Variants in OSGIN2 observed in about 807,000 individuals in gnomAD.
The protein encoded by OSGIN2 is oxidative stress-induced growth inhibitor 2.
OSGIN2 carries 19 observed loss-of-function variants against 53.8 expected under a neutral mutation model. The observed-to-expected ratio is 0.35, with a 90% CI of 0.25 to 0.52. The LOEUF is 0.52. Among genes scored for constraint, OSGIN2 ranks in the 20% least tolerant of loss-of-function variants. The pLI is 0.95. For synonymous variants in OSGIN2, 236 were observed against 236.0 expected (o/e 1.00, Z 0.00); for missense variants, 520 against 662.7 (o/e 0.78, Z 2.36).
At chr8:89,915,545 T>A (rs1809060305) in intron 4 of OSGIN2, among the ~76,000 whole-genome samples, 1 of 152,158 alleles carries the variant, frequency 6.6e-6, no homozygotes, top group South Asian at 2.1e-4. Flanking sequence ...CTCAGTGCAT[T>A]TCATTAGGGG....
At chr8:89,902,889 C>G (rs1808754127) in intron 1 of OSGIN2, 52 bp downstream of exon 1, 1 of 1,270,340 alleles carries the variant, frequency 7.9e-7, no homozygotes, top group South Asian at 2.0e-5. Flanking sequence ...GCCGCGCTCT[C>G]GAGCTTTTTG....
intron 2 of OSGIN2, among the ~76,000 whole-genome samples, chr8:89,913,356 T>C (rs547747224): frequency 6.6e-6 from 1 of 152,048 alleles, no homozygotes; most frequent in South Asian, 2.1e-4. Context: ...CAAGATGGAG[T>C]CAGCCATGTT....
intron 4 of OSGIN2, 29 bp from the exon 5 acceptor site, chr8:89,921,051 G>A (rs781134353): frequency 7.7e-6 from 10 of 1,297,470 alleles, no homozygotes; most frequent in South Asian, 5.2e-5. Context: ...GTTTTTTGAC[G>A]GTACATTTTT....
chr8:89,914,981 C>T (rs530004077), intron 4 of OSGIN2, among the ~76,000 whole-genome samples: 6 of 152,218 alleles, frequency 3.9e-5, no homozygotes, highest in Admixed American at 1.3e-4. Context: ...TACTATCTTA[C>T]AAGAATTATG....
intron 5 of OSGIN2, 55 bp from the exon 6 acceptor site, chr8:89,924,448 T>C: frequency 7.8e-7 from 1 of 1,280,082 alleles, no homozygotes; most frequent in Non-Finnish European, 1.1e-6. Flanking sequence ...TAAGTAATAA[T>C]CATGGAAACT....
chr8:89,906,182 T>A (rs1284891697), intron 1 of OSGIN2, among the ~76,000 whole-genome samples: 1 of 152,232 alleles, frequency 6.6e-6, no homozygotes, highest in Non-Finnish European at 1.5e-5. Context: ...TTAAGCCTAG[T>A]ACCCATTAGT....
chr8:89,920,506 T>A (rs1809175349), intron 4 of OSGIN2, among the ~76,000 whole-genome samples: 4 of 152,206 alleles, frequency 2.6e-5, no homozygotes, highest in Admixed American at 2.6e-4. Flanking sequence ...TGGCAAGCAG[T>A]AGCCTCAGCT....
rs1246590359 is a variant in OSGIN2 at position 89,914,696 on chromosome 8, T to A, written c.478T>A (p.Tyr160Asn). 12 of 1,613,934 alleles carry A rather than the reference T, an allele frequency of 7.4e-6. No individual in the cohort carries two copies. Among genetic ancestry groups the A allele is most frequent in the Admixed American group, 1.7e-5 (1 of 60,006 alleles). Residue 160 changes from tyrosine (Y) to asparagine (N), a missense_variant, in exon 4 of 6, where the codon TAT becomes AAT. Transcript: ENST00000451899. Reference protein sequence around the residue: ...VLHWKLEQHHYIPHVVLGKGP... With the variant: ...VLHWKLEQHHNIPHVVLGKGP... Reference sequence around the variant, plus strand: ...GCATTGGAAATTAGAGCAACATCATTATATCCCTCACGTAGTTCTTGGTAA... The same window carrying A: ...GCATTGGAAATTAGAGCAACATCATAATATCCCTCACGTAGTTCTTGGTAA...
At chr8:89,918,724 A>C (rs911975700) in intron 4 of OSGIN2, among the ~76,000 whole-genome samples, 3 of 152,172 alleles carry the variant, frequency 2.0e-5, no homozygotes, top group African/African-American at 7.2e-5. Context: ...TTTATCATCA[A>C]GTCCCTTCAA....
intron 4 of OSGIN2, among the ~76,000 whole-genome samples, chr8:89,916,462 T>C (rs1169412496): frequency 2.6e-5 from 4 of 152,192 alleles, no homozygotes; most frequent in Non-Finnish European, 5.9e-5. Flanking sequence ...CAGACATAAT[T>C]ACTTGATCCT....
chr8:89,918,913 C>G (rs1239236845), intron 4 of OSGIN2, among the ~76,000 whole-genome samples: 1 of 152,184 alleles, frequency 6.6e-6, no homozygotes, highest in Non-Finnish European at 1.5e-5. Flanking sequence ...CTGTCTTTCA[C>G]CAGAATTACT....
intron 5 of OSGIN2, among the ~76,000 whole-genome samples, chr8:89,923,188 T>C (rs772949745): frequency 1.6e-4 from 24 of 152,088 alleles, no homozygotes; most frequent in Non-Finnish European, 2.8e-4. Context: ...AATTTCTTTT[T>C]AAAAAAGTAA....
At chr8:89,903,016 G>A (rs1298926387) in intron 1 of OSGIN2, among the ~76,000 whole-genome samples, 179 bp downstream of exon 1, 2 of 152,152 alleles carry the variant, frequency 1.3e-5, no homozygotes, top group East Asian at 3.9e-4. Context: ...TGGGGTCCTT[G>A]CTCCGGGGAG....
At chr8:89,916,860 C>T (rs1243196771) in intron 4 of OSGIN2, among the ~76,000 whole-genome samples, 1 of 152,176 alleles carries the variant, frequency 6.6e-6, no homozygotes, top group Non-Finnish European at 1.5e-5. Flanking sequence ...TTCATTCTCC[C>T]ATAGCCCTAT....
chr8:89,913,957 A>C, intron 2 of OSGIN2, 120 bp from the exon 3 acceptor site: 1 of 815,402 alleles, frequency 1.2e-6, no homozygotes, highest in Non-Finnish European at 2.0e-6. Flanking sequence ...TCTGGTTTTA[A>C]GAGATTAGAA....
At chr8:89,904,528 A>ATTT (rs199636091) in intron 1 of OSGIN2, among the ~76,000 whole-genome samples, 7 of 148,498 alleles carry the variant, frequency 4.7e-5, no homozygotes, top group South Asian at 2.1e-4. Flanking sequence ...TGTCTAAAGT[A>ATTT]TTTTTTTTTT....
Position 89,924,505 on chromosome 8 carries a change from G to T in OSGIN2, c.623G>T (p.Ser208Ile). The change falls in exon 6 of 6, where the codon AGC becomes ATC. Residue 208 changes from serine to isoleucine, a missense_variant and splice_region_variant. Physicochemically the swap from Ser to Ile is moderately radical, Grantham distance 142. Coordinates refer to ENST00000451899, the MANE Select transcript of OSGIN2 (RefSeq NM_001126111.3). ...FKDWVSSKRR[S>I]LKGDRVMPEE... ...TATTTTTCCTTTTCCTTTTTTAGGA[G>T]CCTAAAAGGGGATCGAGTTATGCCA... The T allele has an allele frequency of 1.3e-6, 2 of 1,589,086 alleles. No individual in the cohort carries two copies. The highest frequency in any genetic ancestry group is 1.1e-5 in the South Asian group (1 of 87,864).
intron 1 of OSGIN2, among the ~76,000 whole-genome samples, chr8:89,905,485 CAT>C (rs201107529): frequency 0.017 from 2,540 of 152,246 alleles, 60 homozygotes; most frequent in African/African-American, 0.056. Context: ...TACTATAAAA[CAT>C]GTACAGCAAT....
chr8:89,921,910 C>T (rs1423260451), intron 5 of OSGIN2, among the ~76,000 whole-genome samples: 1 of 151,742 alleles, frequency 6.6e-6, no homozygotes, highest in Non-Finnish European at 1.5e-5. Flanking sequence ...ACCCGGGAGG[C>T]AGAGGTTGCA....
Sources: gnomAD v4.1 joint callset for allele counts (sites outside exome capture counted in the v4.1 genomes callset) on GRCh38, gnomAD v4.1.1 for gene constraint, MANE v1.5 for transcripts, NCBI Gene and HGNC (gene_info 2026-07-23, HGNC 2026-07-21) for gene names.